Variants in OR52E5 observed in about 807,000 individuals in gnomAD.
OR52E5 encodes olfactory receptor family 52 subfamily E member 5.
intron 2 of OR52E5, among the ~76,000 whole-genome samples, chr11:5,899,601 T>C (rs1367302719): frequency 6.6e-6 from 1 of 152,210 alleles, no homozygotes; most frequent in African/African-American, 2.4e-5. Flanking sequence ...ATGGCACTGA[T>C]ATGGATATGG....
chr11:5,901,843 C>T lies in OR52E5; in HGVS notation c.*83C>T, dbSNP rs10838803. 36,670 of 399,080 alleles carry T rather than the reference C, an allele frequency of 0.092. 1,958 individuals are homozygous for T. Among genetic ancestry groups the T allele is most frequent in the East Asian group, 0.18 (4,924 of 28,044 alleles). The allele number at this position is 399,080 out of a possible 1,614,324, so 24.7% of individuals were successfully genotyped here. A position where few individuals can be genotyped will look rare whatever the true frequency, so the allele number is the denominator to read the frequency against. On this transcript the variant is annotated 3_prime_UTR_variant, in exon 3 of 3. Transcript: ENST00000610445. Reference sequence around the variant, plus strand: ...CCACATGAGCCAATAGCATTATATCCCCTACAACGTCTCATGATTTCAGTA... The same window carrying T: ...CCACATGAGCCAATAGCATTATATCTCCTACAACGTCTCATGATTTCAGTA...
At chr11:5,896,247 A>AAAAAG (rs2134289524) in intron 2 of OR52E5, among the ~76,000 whole-genome samples, 1 of 12,298 alleles carries the variant, frequency 8.1e-5, no homozygotes. Flanking sequence ...CGTCTCTACT[A>AAAAAG]AAAAAAAAAA....
In OR52E5 at chr11:5,901,788, A is replaced by G; in HGVS notation, c.*28A>G. On this transcript the variant is annotated 3_prime_UTR_variant, in exon 3 of 3. Coordinates refer to ENST00000610445, the MANE Select transcript of OR52E5 (RefSeq NM_001005166.5). ...AGATCATAACAAAATAAACACTGGA[A>G]ACATTTTTTTTACTACTTCTCTTGC... The G allele has an allele frequency of 2.5e-6, 1 of 400,004 alleles. No homozygotes were observed. The highest frequency in any genetic ancestry group is 3.6e-5 in the East Asian group (1 of 28,070). The allele number at this position is 400,004 out of a possible 1,614,324, so 24.8% of individuals were successfully genotyped here. A position where few individuals can be genotyped will look rare whatever the true frequency, so the allele number is the denominator to read the frequency against.
chr11:5,899,108 T>G lies in OR52E5; in HGVS notation c.-145-1524T>G, dbSNP rs116944289. ...TTTGCGTTATCTGTGATTTCTTTCATTGGTGTTTTTTAGTTCTCCTTGTAG... is the reference window on the plus strand; with the variant it reads ...TTTGCGTTATCTGTGATTTCTTTCAGTGGTGTTTTTTAGTTCTCCTTGTAG... On this transcript the variant is annotated intron_variant, in intron 2 of 2. Coordinates refer to ENST00000610445, the MANE Select transcript of OR52E5 (RefSeq NM_001005166.5). Among the ~76,000 whole-genome samples, 978 of 152,302 alleles carry G rather than the reference T, an allele frequency of 6.4e-3. 8 individuals are homozygous for G. The highest frequency in any genetic ancestry group is 8.9e-3 in the Non-Finnish European group (604 of 68,010).
At chr11:5,894,204 C>T (rs958905835) in intron 1 of OR52E5, among the ~76,000 whole-genome samples, 4 of 152,114 alleles carry the variant, frequency 2.6e-5, no homozygotes, top group African/African-American at 4.8e-5. Flanking sequence ...GGTAGATATT[C>T]GCCAGTGGTT....
chr11:5,896,184 C>T (rs899121738), intron 2 of OR52E5, among the ~76,000 whole-genome samples: 3 of 140,926 alleles, frequency 2.1e-5, no homozygotes, highest in Admixed American at 7.7e-5. Context: ...GAGCAGATCA[C>T]GAGGTCAGGA....
In OR52E5 at chr11:5,901,239, T is replaced by C. The variant is rs1847248612; in HGVS notation, c.463T>C (p.Leu155=). 4 of 400,370 alleles carry C rather than the reference T, an allele frequency of 1.0e-5. No homozygotes were observed. Among genetic ancestry groups the C allele is most frequent in the Non-Finnish European group, 1.8e-5 (4 of 226,348 alleles). The allele number at this position is 400,370 out of a possible 1,614,324, so 24.8% of individuals were successfully genotyped here. A position where few individuals can be genotyped will look rare whatever the true frequency, so the allele number is the denominator to read the frequency against. The change falls in exon 3 of 3, where the codon TTG becomes CTG. Residue 155 remains leucine (L), a synonymous_variant. Coordinates refer to ENST00000610445, the MANE Select transcript of OR52E5 (RefSeq NM_001005166.5). ...GGGCATAGTCATCATTGTCAGGACTTTGGTATTTGTGACTCCATTCACATT... is the reference window on the plus strand; with the variant it reads ...GGGCATAGTCATCATTGTCAGGACTCTGGTATTTGTGACTCCATTCACATT... ...ILGIVIIVRT[L]VFVTPFTFLI...
intron 1 of OR52E5, among the ~76,000 whole-genome samples, 193 bp from the exon 2 acceptor site, chr11:5,895,439 T>C (rs1251650810): frequency 6.6e-6 from 1 of 152,256 alleles, no homozygotes; most frequent in Non-Finnish European, 1.5e-5. Context: ...AGGTATTCTT[T>C]ATTCTTCCTT....
chr11:5,896,246 TAAAAAAAA>T (rs56197568), intron 2 of OR52E5, among the ~76,000 whole-genome samples: 35 of 53,546 alleles, frequency 6.5e-4, no homozygotes, highest in Admixed American at 1.5e-3. Flanking sequence ...TCGTCTCTAC[TAAAAAAAA>T]AAAAAAAAAA....
chr11:5,896,928 C>T (rs1380452928), intron 2 of OR52E5, among the ~76,000 whole-genome samples: 2 of 152,262 alleles, frequency 1.3e-5, no homozygotes, highest in East Asian at 3.9e-4. Flanking sequence ...TGAAAAAATA[C>T]CTGGCACATA....
At chr11:5,896,046 C>T (rs953232885) in intron 2 of OR52E5, among the ~76,000 whole-genome samples, 1 of 149,946 alleles carries the variant, frequency 6.7e-6, no homozygotes, top group African/African-American at 2.5e-5. Context: ...GAGACTCCAT[C>T]TCAAAAAGAA....
chr11:5,894,981 A>G (rs7940165), intron 1 of OR52E5, among the ~76,000 whole-genome samples: 72,437 of 151,966 alleles, frequency 0.48, 18,233 homozygotes, highest in African/African-American at 0.65. Flanking sequence ...CTCAGAAAAT[A>G]CTTATGATAA....
chr11:5,896,316 G>A (rs1251546046), intron 2 of OR52E5, among the ~76,000 whole-genome samples: 4 of 145,346 alleles, frequency 2.8e-5, no homozygotes, highest in African/African-American at 5.1e-5. Flanking sequence ...AGCTACTCAG[G>A]AGGCTGAGGC....
Position 5,893,821 on chromosome 11 carries a change from A to C in OR52E5, c.-228+551A>C, listed in dbSNP as rs144056458. ...TATAGAAATACAAAAAAAATAAAAAAGGCTTACTTTTTTTGTGTGTGTGGG... is the reference window on the plus strand; with the variant it reads ...TATAGAAATACAAAAAAAATAAAAACGGCTTACTTTTTTTGTGTGTGTGGG... On this transcript the variant is annotated intron_variant, in intron 1 of 2. Transcript: ENST00000610445. 2.5e-3 allele frequency among the ~76,000 whole-genome samples: 387 copies of C among 152,260 alleles called. 2 individuals carry two copies. The highest frequency in any genetic ancestry group is 8.8e-3 in the African/African-American group (367 of 41,562).
In OR52E5 at chr11:5,901,712, G is replaced by T. The variant is rs1847257587; in HGVS notation, c.936G>T (p.Trp312Cys). The change falls in exon 3 of 3, where the codon TGG becomes TGT. Residue 312 changes from tryptophan (W) to cysteine (C), a missense_variant. Transcript: ENST00000610445. ...VLRILNPKSFWHFDPKRIFHN... is the reference protein window; with the variant it reads ...VLRILNPKSFCHFDPKRIFHN... ...GGATACTCAACCCTAAAAGCTTTTG[G>T]CATTTTGACCCCAAGAGGATCTTCC... The T allele has an allele frequency of 2.5e-6, 1 of 400,800 alleles. No homozygotes were observed. The highest frequency in any genetic ancestry group is 4.4e-6 in the Non-Finnish European group (1 of 226,202). The allele number at this position is 400,800 out of a possible 1,614,324, so 24.8% of individuals were successfully genotyped here.
chr11:5,894,992 T>C (rs1038066466), intron 1 of OR52E5, among the ~76,000 whole-genome samples: 1 of 152,004 alleles, frequency 6.6e-6, no homozygotes, highest in Admixed American at 6.6e-5. Context: ...CTTATGATAA[T>C]CTGATTTCAA....
In OR52E5 at chr11:5,900,742, T is replaced by G; in HGVS notation, c.-35T>G. Reference sequence around the variant, plus strand: ...TTCTCACTGGAAGCAAGAAAACTCATGCAAGAAATGTGTCTGTAGGGAATG... The same window carrying G: ...TTCTCACTGGAAGCAAGAAAACTCAGGCAAGAAATGTGTCTGTAGGGAATG... On this transcript the variant is annotated 5_prime_UTR_variant, in exon 3 of 3. The change abolishes an upstream ATG in the 5' untranslated region. Transcript: ENST00000610445. 1 of 399,624 alleles carries G rather than the reference T, an allele frequency of 2.5e-6. No homozygotes were observed. Among genetic ancestry groups the G allele is most frequent in the Non-Finnish European group, 4.4e-6 (1 of 226,154 alleles). 24.8% of individuals were successfully genotyped at this position (399,624 alleles called of 1,614,324 possible).
At chr11:5,896,616 C>T (rs1348392342) in intron 2 of OR52E5, among the ~76,000 whole-genome samples, 2 of 151,858 alleles carry the variant, frequency 1.3e-5, no homozygotes, top group Admixed American at 6.6e-5. Flanking sequence ...TCTCCTTCTC[C>T]CTATTGAAAG....
In OR52E5 at chr11:5,894,199, A is replaced by C. The variant is rs192628265; in HGVS notation, c.-228+929A>C. 2.3e-3 allele frequency among the ~76,000 whole-genome samples: 354 copies of C among 152,318 alleles called. 1 individual carries two copies. Among genetic ancestry groups the C allele is most frequent in the African/African-American group, 8.3e-3 (344 of 41,580 alleles). ...CAAAGAAATTATAACCTAGTGGTAG[A>C]TATTCGCCAGTGGTTCTCAAATTGG... On this transcript the variant is annotated intron_variant, in intron 1 of 2. Transcript: ENST00000610445.
Sources: allele counts gnomAD v4.1 joint callset (sites outside exome capture counted in the v4.1 genomes callset), GRCh38; gene constraint gnomAD v4.1.1; transcripts MANE v1.5; gene names NCBI Gene and HGNC (gene_info 2026-07-23, HGNC 2026-07-21).